REL: variants seen among roughly 807,000 people sequenced by gnomAD.
REL encodes proto-oncogene c-Rel.
In REL, 15 loss-of-function variants were observed where a neutral mutation model predicts 45.9. The observed-to-expected ratio is 0.33, with a 90% CI of 0.22 to 0.50. The LOEUF is 0.50. REL is among the 20% of genes least tolerant of loss of function. The pLI is 0.98. For synonymous variants in REL, 239 were observed against 242.1 expected (o/e 0.99, Z 0.12); for missense variants, 601 against 715.2 (o/e 0.84, Z 1.82).
chr2:60,920,499 C>T, intron 8 of REL, 75 bp from the exon 9 acceptor site: 2 of 1,182,514 alleles, frequency 1.7e-6, no homozygotes, highest in Non-Finnish European at 2.5e-6. Flanking sequence ...CCACGCCCGG[C>T]CAGTTTTTCA....
At chr2:60,901,285 C>T (rs374434531) in intron 4 of REL, among the ~76,000 whole-genome samples, 9 of 151,422 alleles carry the variant, frequency 5.9e-5, no homozygotes, top group African/African-American at 1.5e-4. Context: ...CCTCAGCCTC[C>T]GGAGTAGCTG....
intron 9 of REL, 39 bp from the exon 10 acceptor site, chr2:60,921,724 T>G: frequency 1.3e-6 from 2 of 1,530,240 alleles, no homozygotes. Flanking sequence ...TATAATTTTG[T>G]TCATTTTAAT....
In REL at chr2:60,918,298, ATTTAT is replaced by A; in HGVS notation, c.640+6_640+10del. 1 of 1,569,248 alleles carries A rather than the reference ATTTAT, an allele frequency of 6.4e-7. No homozygotes were observed. ...ACTTTGTGACAAAGTTCAGAAAGGTATTTATTTATTTCATTGAATTTAGAATAAAT... is the reference window on the plus strand; with the variant it reads ...ACTTTGTGACAAAGTTCAGAAAGGTATTATTTCATTGAATTTAGAATAAAT... On this transcript the variant is annotated splice_donor_5th_base_variant and intron_variant, in intron 6 of 9. Transcript: ENST00000394479.
At chr2:60,896,855 C>G (rs1314497793) in intron 3 of REL, among the ~76,000 whole-genome samples, 2 of 152,054 alleles carry the variant, frequency 1.3e-5, no homozygotes, top group Admixed American at 6.6e-5. Context: ...TATGGCTGTT[C>G]CAACTCTCTC....
rs149735116 is a variant in REL at position 60,924,340 on chromosome 2, G to A, written c.*1805G>A. 4.6e-6 allele frequency: 1 copy of A among 218,228 alleles called. No homozygotes were observed. The highest frequency in any genetic ancestry group is 9.2e-6 in the Non-Finnish European group (1 of 108,632). The allele number at this position is 218,228 out of a possible 1,614,324, so 13.5% of individuals were successfully genotyped here. ...TGCTTTATTGTTGAATCTCCAATTT[G>A]TAGAAAAATGCCTACCTTATATTAA... On this transcript the variant is annotated 3_prime_UTR_variant, in exon 10 of 10. Coordinates refer to ENST00000394479, the MANE Select transcript of REL (RefSeq NM_001291746.2).
intron 4 of REL, 106 bp from the exon 5 acceptor site, chr2:60,916,771 T>C: frequency 1.6e-6 from 1 of 641,092 alleles, no homozygotes; most frequent in Non-Finnish European, 2.6e-6. Context: ...CATACATATT[T>C]GGATGCTATT....
intron 2 of REL, among the ~76,000 whole-genome samples, chr2:60,892,673 A>C (rs1219178218): frequency 4.0e-5 from 6 of 151,628 alleles, no homozygotes; most frequent in African/African-American, 1.5e-4. Context: ...CAGGTGATCC[A>C]CCCATCTCGG....
chr2:60,914,316 C>G (rs1256926782), intron 4 of REL, among the ~76,000 whole-genome samples: 1 of 152,082 alleles, frequency 6.6e-6, no homozygotes, highest in Non-Finnish European at 1.5e-5. Context: ...AGTTTTTAAC[C>G]ATGTTGTGCA....
At position 60,896,058 on chromosome 2, in the gene REL, A is replaced by G. The variant is rs138238355; in HGVS notation, c.302+1513A>G. On this transcript the variant is annotated intron_variant, in intron 3 of 9. Transcript: ENST00000394479. ...TGCTTTGTTGCCCAGGCTGCAGTGA[A>G]GTGGTGTGATTTCGGCTCACTGCAA... 3.0e-4 allele frequency among the ~76,000 whole-genome samples: 45 copies of G among 151,784 alleles called. 1 individual carries two copies. The East Asian group carries it at 8.3e-3, about 28-fold the overall frequency.
chr2:60,906,913 A>AT (rs1162627805), intron 4 of REL, among the ~76,000 whole-genome samples: 5,557 of 104,190 alleles, frequency 0.053, 220 homozygotes, highest in African/African-American at 0.07. Flanking sequence ...ATATATATAT[A>AT]TTTTTTTTTT....
At chr2:60,920,005 A>AT (rs1227853196) in intron 7 of REL, 36 bp from the exon 8 acceptor site, 13 of 1,424,204 alleles carry the variant, frequency 9.1e-6, no homozygotes, top group Non-Finnish European at 1.3e-5. Context: ...CAATCCTATA[A>AT]TTTTTTATCT....
chr2:60,912,736 A>C (rs1035571995), intron 4 of REL, among the ~76,000 whole-genome samples: 1 of 152,114 alleles, frequency 6.6e-6, no homozygotes, highest in Admixed American at 6.5e-5. Context: ...AATTTTTATA[A>C]GATAAAATAA....
intron 2 of REL, among the ~76,000 whole-genome samples, chr2:60,893,012 C>T (rs1673259345): frequency 6.6e-6 from 1 of 152,198 alleles, no homozygotes; most frequent in East Asian, 1.9e-4. Context: ...CTTGGTCTCC[C>T]AAAGTGCTGA....
At chr2:60,883,811 G>A (rs1414800306) in intron 1 of REL, among the ~76,000 whole-genome samples, 1 of 146,024 alleles carries the variant, frequency 6.8e-6, no homozygotes, top group African/African-American at 2.5e-5. Context: ...GAAATGGAAA[G>A]TTTTAAAGGT....
chr2:60,892,575 C>A (rs1156978674), intron 2 of REL, among the ~76,000 whole-genome samples: 2 of 151,746 alleles, frequency 1.3e-5, no homozygotes, highest in Non-Finnish European at 1.5e-5. Context: ...ATTACAGACG[C>A]CCACCACCAC....
At position 60,923,100 on chromosome 2, in the gene REL, A is replaced by C. The variant is rs796265902; in HGVS notation, c.*565A>C. On this transcript the variant is annotated 3_prime_UTR_variant, in exon 10 of 10. Transcript: ENST00000394479. Reference sequence around the variant, plus strand: ...TTATATTTCTTTTTATAATGTTTTAATGTATTCTTAAATTTCAAGCAAATT... The same window carrying C: ...TTATATTTCTTTTTATAATGTTTTACTGTATTCTTAAATTTCAAGCAAATT... The C allele has an allele frequency of 1.2e-4, 21 of 181,196 alleles. No homozygotes were observed. Among genetic ancestry groups the C allele is most frequent in the African/African-American group, 4.7e-4 (20 of 42,568 alleles). 11.2% of individuals were successfully genotyped at this position (181,196 alleles called of 1,614,324 possible).
intron 4 of REL, among the ~76,000 whole-genome samples, chr2:60,908,047 C>T (rs1673711590): frequency 6.6e-6 from 1 of 152,078 alleles, no homozygotes; most frequent in Non-Finnish European, 1.5e-5. Flanking sequence ...CTGAGATGCC[C>T]TGAAAGCCTT....
chr2:60,902,407 G>A (rs549672600), intron 4 of REL, among the ~76,000 whole-genome samples: 23 of 152,064 alleles, frequency 1.5e-4, no homozygotes, highest in Non-Finnish European at 2.5e-4. Flanking sequence ...CTTTATACAT[G>A]TGTAGTTATA....
At chr2:60,905,603 C>T (rs1673625842) in intron 4 of REL, among the ~76,000 whole-genome samples, 1 of 152,098 alleles carries the variant, frequency 6.6e-6, no homozygotes, top group Non-Finnish European at 1.5e-5. Flanking sequence ...AGTGTGTTAG[C>T]AGCCAAAAGT....
Sources: gnomAD v4.1 joint callset for allele counts (sites outside exome capture counted in the v4.1 genomes callset) on GRCh38, gnomAD v4.1.1 for gene constraint, MANE v1.5 for transcripts, NCBI Gene and HGNC (gene_info 2026-07-23, HGNC 2026-07-21) for gene names.